DRGX: variants seen among roughly 807,000 people sequenced by gnomAD.
DRGX encodes the protein dorsal root ganglia homeobox protein.
In DRGX, 21 loss-of-function variants were observed where a neutral mutation model predicts 28.6. The observed-to-expected ratio is 0.73, with a 90% CI of 0.52 to 1.06. The LOEUF (loss-of-function observed/expected upper bound fraction) is 1.06, where lower values mean the gene tolerates loss of function less well. Among genes scored for constraint, DRGX ranks in the 50% least tolerant of loss-of-function variants. The probability of loss-of-function intolerance (pLI) is 0.00; values close to 1 mark genes in which losing one functional copy is unlikely to be tolerated. For synonymous variants in DRGX, 136 were observed against 139.1 expected, an observed-to-expected ratio of 0.98 and a Z score of 0.16; for missense variants, 354 against 343.9, an observed-to-expected ratio of 1.03 and a Z score of -0.23.
intron 4 of DRGX, among the ~76,000 whole-genome samples, chr10:49,388,934 CT>C (rs1849869835): frequency 6.6e-6 from 1 of 152,206 alleles, no homozygotes; most frequent in African/African-American, 2.4e-5. Context: ...CAATTCCCGG[CT>C]TTAATTGTCA....
intron 6 of DRGX, among the ~76,000 whole-genome samples, chr10:49,376,989 G>A (rs1367344269): frequency 6.6e-6 from 1 of 152,170 alleles, no homozygotes; most frequent in East Asian, 1.9e-4. Flanking sequence ...TTCACGTAGG[G>A]ATGAGTCTAA....
intron 6 of DRGX, among the ~76,000 whole-genome samples, chr10:49,367,554 C>G (rs1232633271): frequency 6.6e-6 from 1 of 152,328 alleles, no homozygotes; most frequent in East Asian, 1.9e-4. Flanking sequence ...CCACAGGTGT[C>G]ATGAACTGAG....
rs973963532 is a variant in DRGX, at chr10:49,386,405, A to T, written c.526+73T>A. On this transcript the variant is annotated intron_variant, in intron 6 of 6. Coordinates refer to ENST00000374139, the MANE Select transcript of DRGX (RefSeq NM_001276451.2). ...CAGGTGCAAGGACGGCCGAGCCAAG[A>T]CCCAGGCCGGTCACACAAACTCCAC... The T allele has an allele frequency of 5.5e-5, 75 of 1,363,606 alleles. 2 individuals carry two copies. The highest frequency in any genetic ancestry group is 4.5e-4 in the South Asian group (30 of 66,510). The allele number at this position is 1,363,606 out of a possible 1,614,324, so 84.5% of individuals were successfully genotyped here.
At chr10:49,368,039 C>T (rs1849617621) in intron 6 of DRGX, among the ~76,000 whole-genome samples, 1 of 152,192 alleles carries the variant, frequency 6.6e-6, no homozygotes, top group South Asian at 2.1e-4. Flanking sequence ...AGCCAGGGTA[C>T]CTTCTGCTCC....
At chr10:49,379,439 A>T (rs1427446657) in intron 6 of DRGX, among the ~76,000 whole-genome samples, 2 of 152,234 alleles carry the variant, frequency 1.3e-5, no homozygotes, top group African/African-American at 4.8e-5. Flanking sequence ...TTTTTAAAAC[A>T]TCACAATTTT....
chr10:49,372,859 T>C (rs1849675209), intron 6 of DRGX, among the ~76,000 whole-genome samples: 1 of 152,240 alleles, frequency 6.6e-6, no homozygotes, highest in African/African-American at 2.4e-5. Flanking sequence ...CAAAAAGTAA[T>C]TTATACTGCC....
At chr10:49,367,779 A>AT (rs929434191) in intron 6 of DRGX, among the ~76,000 whole-genome samples, 4 of 152,242 alleles carry the variant, frequency 2.6e-5, no homozygotes, top group African/African-American at 9.6e-5. Flanking sequence ...AGTCCTGGAC[A>AT]TGTCCTCAGG....
At chr10:49,387,399 A>T (rs917373866) in intron 4 of DRGX, among the ~76,000 whole-genome samples, 4 of 152,174 alleles carry the variant, frequency 2.6e-5, no homozygotes, top group Non-Finnish European at 5.9e-5. Context: ...TGGCTCAGGC[A>T]TGCAGTCCCA....
At chr10:49,390,333 T>A in intron 3 of DRGX, 99 bp from the exon 4 acceptor site, 1 of 1,014,454 alleles carries the variant, frequency 9.9e-7, no homozygotes, top group Non-Finnish European at 1.4e-6. Flanking sequence ...AGGAAGCAGT[T>A]TCACAGATTA....
In DRGX at chr10:49,389,986, T is replaced by C. The variant is rs867710888; in HGVS notation, c.234+147A>G. On this transcript the variant is annotated intron_variant, in intron 4 of 6. Transcript: ENST00000374139. Reference sequence around the variant, plus strand: ...CAACCTAATCTAATATTCCACATTATGTTGATGTTATTAAAGTGCATCATG... The same window carrying C: ...CAACCTAATCTAATATTCCACATTACGTTGATGTTATTAAAGTGCATCATG... The C allele has an allele frequency of 1.8e-4, 120 of 662,944 alleles. 4 individuals carry two copies. The South Asian group carries it at 2.6e-3, about 14-fold the overall frequency. 41.1% of individuals were successfully genotyped at this position (662,944 alleles called of 1,614,324 possible). A position where few individuals can be genotyped will look rare whatever the true frequency, so the allele number is the denominator to read the frequency against.
chr10:49,390,638 C>T (rs566784034), intron 3 of DRGX, among the ~76,000 whole-genome samples: 2 of 152,296 alleles, frequency 1.3e-5, no homozygotes, highest in African/African-American at 2.4e-5. Flanking sequence ...TCCCACAAAA[C>T]GCCATAGGGA....
chr10:49,377,153 A>C (rs1849725531), intron 6 of DRGX, among the ~76,000 whole-genome samples: 1 of 152,220 alleles, frequency 6.6e-6, no homozygotes, highest in South Asian at 2.1e-4. Context: ...GAATCTCCTA[A>C]GAGAGGACCT....
chr10:49,381,788 G>A (rs554163194), intron 6 of DRGX, among the ~76,000 whole-genome samples: 162 of 152,320 alleles, frequency 1.1e-3, no homozygotes, highest in African/African-American at 3.7e-3. Flanking sequence ...CAGCACCCAG[G>A]GGGTATCTAG....
intron 6 of DRGX, among the ~76,000 whole-genome samples, chr10:49,380,639 C>T (rs1849764796): frequency 6.6e-6 from 1 of 152,312 alleles, no homozygotes; most frequent in East Asian, 1.9e-4. Flanking sequence ...AAGCACATCA[C>T]TGCTTGAAGC....
intron 6 of DRGX, among the ~76,000 whole-genome samples, chr10:49,371,381 A>G (rs961937456): frequency 6.6e-6 from 1 of 152,188 alleles, no homozygotes; most frequent in Non-Finnish European, 1.5e-5. Context: ...GGCCAGGCAC[A>G]GTGGCTCGCA....
rs1849964130 is a variant in DRGX, at chr10:49,395,937, C to T, written c.-84G>A. On this transcript the variant is annotated splice_region_variant and 5_prime_UTR_variant, in exon 1 of 7. Coordinates refer to ENST00000374139, the MANE Select transcript of DRGX (RefSeq NM_001276451.2). Reference sequence around the variant, plus strand: ...AGTGGGTCAGGAGCCGAGCATACCTCGGCGGGCGGCGGTCGAGGAGGTCGG... The same window carrying T: ...AGTGGGTCAGGAGCCGAGCATACCTTGGCGGGCGGCGGTCGAGGAGGTCGG... 6.5e-6 allele frequency: 1 copy of T among 154,568 alleles called. No individual in the cohort carries two copies. The highest frequency in any genetic ancestry group is 1.4e-5 in the Non-Finnish European group (1 of 69,876). 9.6% of individuals were successfully genotyped at this position (154,568 alleles called of 1,614,324 possible).
intron 6 of DRGX, among the ~76,000 whole-genome samples, chr10:49,367,337 T>C (rs1165722093): frequency 1.3e-5 from 2 of 151,928 alleles, no homozygotes; most frequent in Admixed American, 6.6e-5. Context: ...CACTCCAGCC[T>C]GGGCAACAGA....
chr10:49,378,953 T>A (rs1849745015), intron 6 of DRGX, among the ~76,000 whole-genome samples: 1 of 152,166 alleles, frequency 6.6e-6, no homozygotes. Context: ...AAGTCAAGAC[T>A]ATAGATTGAG....
At chr10:49,366,765 C>A (rs1411531479) in intron 6 of DRGX, among the ~76,000 whole-genome samples, 1 of 152,196 alleles carries the variant, frequency 6.6e-6, no homozygotes, top group East Asian at 1.9e-4. Context: ...TCAAGGCACC[C>A]CTAAGAACTC....
Sources: gnomAD v4.1 joint callset for allele counts (sites outside exome capture counted in the v4.1 genomes callset) on GRCh38, gnomAD v4.1.1 for gene constraint, MANE v1.5 for transcripts, NCBI Gene and HGNC (gene_info 2026-07-23, HGNC 2026-07-21) for gene names.